Variants in CCSER1 observed in about 807,000 individuals in gnomAD.
CCSER1 encodes the protein coiled-coil serine rich protein 1, also known as serine-rich coiled-coil domain-containing protein 1.
CCSER1 carries 41 observed loss-of-function variants against 82.0 expected under a neutral mutation model. The ratio of observed to expected loss-of-function variants is 0.50; its 90% CI spans 0.39 to 0.65. CCSER1 has a LOEUF of 0.65. Among genes scored for constraint, CCSER1 ranks in the 30% least tolerant of loss-of-function variants. The probability of loss-of-function intolerance (pLI) is 0.00; values close to 1 mark genes in which losing one functional copy is unlikely to be tolerated. For synonymous variants in CCSER1, 414 were observed against 383.9 expected, an observed-to-expected ratio of 1.08 and a Z score of -0.92; for missense variants, 1,119 against 1,064.2, an observed-to-expected ratio of 1.05 and a Z score of -0.72.
At chr4:91,369,933 G>A (rs1039162884) in intron 10 of CCSER1, among the ~76,000 whole-genome samples, 2 of 151,496 alleles carry the variant, frequency 1.3e-5, no homozygotes, top group African/African-American at 4.9e-5. Flanking sequence ...TCCCACCCCA[G>A]CCTCTCAAAG....
intron 10 of CCSER1, among the ~76,000 whole-genome samples, chr4:91,483,572 A>C (rs932435898): frequency 4.0e-5 from 6 of 151,800 alleles, no homozygotes; most frequent in African/African-American, 1.2e-4. Context: ...AGTAGCTTGG[A>C]TTACAGGCAC....
At chr4:91,191,607 A>G (rs920942412) in intron 10 of CCSER1, among the ~76,000 whole-genome samples, 1 of 152,104 alleles carries the variant, frequency 6.6e-6, no homozygotes, top group Non-Finnish European at 1.5e-5. Flanking sequence ...CATCAATCTG[A>G]TGTACATTTT....
chr4:91,572,598 G>A (rs764877033), intron 10 of CCSER1, among the ~76,000 whole-genome samples: 1 of 152,096 alleles, frequency 6.6e-6, no homozygotes, highest in Non-Finnish European at 1.5e-5. Context: ...GAGAACACCT[G>A]CAGGTATAGC....
chr4:90,964,846 G>A (rs1032566988), intron 9 of CCSER1, among the ~76,000 whole-genome samples: 8 of 151,846 alleles, frequency 5.3e-5, no homozygotes, highest in Non-Finnish European at 1.0e-4. Context: ...TTTATTAGGG[G>A]TAAATGGTTG....
intron 5 of CCSER1, among the ~76,000 whole-genome samples, chr4:90,498,609 A>G (rs1251611829): frequency 2.0e-5 from 3 of 152,184 alleles, no homozygotes; most frequent in Non-Finnish European, 4.4e-5. Flanking sequence ...TGATTATTCC[A>G]TCAACAATTG....
At chr4:90,996,282 C>A (rs1335874202) in intron 9 of CCSER1, among the ~76,000 whole-genome samples, 1 of 152,034 alleles carries the variant, frequency 6.6e-6, no homozygotes, top group Non-Finnish European at 1.5e-5. Flanking sequence ...CTTTAACTTT[C>A]TGTTTCACAA....
At chr4:90,817,926 T>C (rs1259464721) in intron 8 of CCSER1, among the ~76,000 whole-genome samples, 5 of 152,154 alleles carry the variant, frequency 3.3e-5, no homozygotes, top group Non-Finnish European at 4.4e-5. Context: ...TTTACTTACA[T>C]TGAAAATTTC....
intron 9 of CCSER1, among the ~76,000 whole-genome samples, chr4:91,020,049 T>C (rs1739788490): frequency 6.6e-6 from 1 of 152,112 alleles, no homozygotes; most frequent in Non-Finnish European, 1.5e-5. Flanking sequence ...TCCCATTTAT[T>C]GAGAGTAAGA....
chr4:90,403,799 G>C (rs1470089330), intron 4 of CCSER1: 1 of 152,152 alleles, frequency 6.6e-6, no homozygotes, highest in Non-Finnish European at 1.5e-5. Flanking sequence ...GGCCAAGATT[G>C]ACTTTTTAAA....
chr4:91,249,528 C>T (rs1412326040), intron 10 of CCSER1, among the ~76,000 whole-genome samples: 2 of 152,026 alleles, frequency 1.3e-5, no homozygotes, highest in East Asian at 1.9e-4. Flanking sequence ...AAAGGGATAA[C>T]AGCTTTATTC....
intron 10 of CCSER1, among the ~76,000 whole-genome samples, chr4:91,167,184 A>G (rs1034913535): frequency 9.9e-6 from 1 of 101,114 alleles, no homozygotes; most frequent in Non-Finnish European, 2.1e-5. Context: ...GAATTGCAAT[A>G]CTTTTTTTTT....
intron 10 of CCSER1, among the ~76,000 whole-genome samples, chr4:91,550,366 G>A (rs1762101850): frequency 6.6e-6 from 1 of 152,118 alleles, no homozygotes; most frequent in Admixed American, 6.5e-5. Context: ...CTTGTCCTCA[G>A]GGGGTCTCCA....
At chr4:91,196,960 CAA>C (rs1412055809) in intron 10 of CCSER1, among the ~76,000 whole-genome samples, 1 of 152,134 alleles carries the variant, frequency 6.6e-6, no homozygotes, top group Admixed American at 6.5e-5. Flanking sequence ...GAGCTAGCTC[CAA>C]AAGAGAAATC....
chr4:90,452,706 GCC>G (rs1171640017), intron 4 of CCSER1, among the ~76,000 whole-genome samples: 49 of 152,294 alleles, frequency 3.2e-4, no homozygotes, highest in Non-Finnish European at 6.3e-4. Flanking sequence ...TAGGTCAAAG[GCC>G]CTTTTAGCCT....
At chr4:91,519,977 C>T (rs946875965) in intron 10 of CCSER1, among the ~76,000 whole-genome samples, 1 of 152,038 alleles carries the variant, frequency 6.6e-6, no homozygotes, top group Non-Finnish European at 1.5e-5. Context: ...CAGTATCTGC[C>T]TCTTGATTAA....
intron 5 of CCSER1, among the ~76,000 whole-genome samples, chr4:90,566,375 T>A (rs1449045297): frequency 6.6e-6 from 1 of 151,958 alleles, no homozygotes; most frequent in Non-Finnish European, 1.5e-5. Context: ...GGTATTTAAT[T>A]ATTCTTTAAA....
chr4:90,346,909 G>C (rs963346107), intron 3 of CCSER1, among the ~76,000 whole-genome samples: 2 of 152,074 alleles, frequency 1.3e-5, no homozygotes, highest in Non-Finnish European at 2.9e-5. Context: ...TGAGGCTACA[G>C]TAGACAACAT....
intron 5 of CCSER1, among the ~76,000 whole-genome samples, chr4:90,499,826 A>AT (rs1769588061): frequency 6.6e-6 from 1 of 152,134 alleles, no homozygotes; most frequent in Non-Finnish European, 1.5e-5. Context: ...TATTTGGACT[A>AT]TTTTGCTATG....
In CCSER1 at chr4:90,492,137, T is replaced by C. The variant is rs912966223; in HGVS notation, c.1724+23783T>C. Among the ~76,000 whole-genome samples, 4 of 152,114 alleles carry C rather than the reference T, an allele frequency of 2.6e-5. 1 individual carries two copies. Among genetic ancestry groups the C allele is most frequent in the Admixed American group, 2.0e-4 (3 of 15,260 alleles). On this transcript the variant is annotated intron_variant, in intron 5 of 10. Transcript: ENST00000509176. ...CTCTGGTAGAATTTGGGTGTGAATC[T>C]GTCTGGTCCTGGACTTTTTTTGGTT...
Sources: allele counts gnomAD v4.1 joint callset (sites outside exome capture counted in the v4.1 genomes callset), GRCh38; gene constraint gnomAD v4.1.1; transcripts MANE v1.5; gene names NCBI Gene and HGNC (gene_info 2026-07-23, HGNC 2026-07-21).